RPTOR: variants seen among roughly 807,000 people sequenced by gnomAD.
RPTOR encodes the protein regulatory-associated protein of mTOR.
Under a neutral mutation model 169.9 loss-of-function variants are expected in RPTOR, and 21 were observed. The ratio of observed to expected loss-of-function variants is 0.12; its 90% CI spans 0.09 to 0.18. RPTOR has a LOEUF of 0.18. Ranked by LOEUF, RPTOR falls within the 10% of genes least tolerant of loss-of-function variation. RPTOR has a pLI of 1.00. For synonymous variants in RPTOR, 732 were observed against 753.2 expected (o/e 0.97, Z 0.46); for missense variants, 1,133 against 1,855.9 (o/e 0.61, Z 7.16).
intron 25 of RPTOR, 42 bp downstream of exon 25, chr17:80,940,643 G>A (rs1156269929): frequency 2.0e-6 from 3 of 1,524,026 alleles, no homozygotes; most frequent in Non-Finnish European, 2.7e-6. Flanking sequence ...CATTCCGGGG[G>A]TGGGGCCTGG....
intron 21 of RPTOR, 32 bp downstream of exon 21, chr17:80,908,961 G>C: frequency 1.3e-6 from 2 of 1,485,252 alleles, no homozygotes; most frequent in South Asian, 2.3e-5. Context: ...CCGCGCTCCA[G>C]CTGCTGGTTC....
intron 7 of RPTOR, among the ~76,000 whole-genome samples, chr17:80,799,784 C>T (rs989644795): frequency 6.6e-6 from 1 of 152,022 alleles, no homozygotes; most frequent in Non-Finnish European, 1.5e-5. Flanking sequence ...CTTCCCTCCC[C>T]GGCGACCCTC....
In RPTOR at chr17:80,554,784, C is replaced by A. The variant is rs572196680; in HGVS notation, c.162+8993C>A. ...AAAACAAAACAAACAACAACAACAA[C>A]AAAAAAAATGAGAATCCAGTTGTCT... On this transcript the variant is annotated intron_variant, in intron 1 of 33. Coordinates refer to ENST00000306801, the MANE Select transcript of RPTOR (RefSeq NM_020761.3). 2.8e-4 allele frequency among the ~76,000 whole-genome samples: 41 copies of A among 147,924 alleles called. 1 individual carries two copies. The highest frequency in any genetic ancestry group is 1.5e-3 in the South Asian group (7 of 4,612).
chr17:80,928,570 G>A (rs1016159674), intron 24 of RPTOR, among the ~76,000 whole-genome samples: 3 of 152,210 alleles, frequency 2.0e-5, no homozygotes, highest in East Asian at 1.9e-4. Flanking sequence ...TAAGGACAGC[G>A]TCTGCTAACG....
At chr17:80,738,336 T>C (rs2066452261) in intron 5 of RPTOR, among the ~76,000 whole-genome samples, 1 of 152,240 alleles carries the variant, frequency 6.6e-6, no homozygotes, top group Admixed American at 6.5e-5. Flanking sequence ...CCGCCAAAGC[T>C]TTTGCTGCTT....
chr17:80,777,482 C>A (rs868433817), intron 6 of RPTOR, among the ~76,000 whole-genome samples: 1 of 151,762 alleles, frequency 6.6e-6, no homozygotes, highest in Admixed American at 6.6e-5. Context: ...CTCACTGTTC[C>A]GCTTTGCATC....
rs5016364 is a variant in RPTOR, at chr17:80,918,442, C to G, written c.2521-4282C>G. 4.0e-3 allele frequency among the ~76,000 whole-genome samples: 298 copies of G among 75,086 alleles called. 6 individuals are homozygous for G. Among genetic ancestry groups the G allele is most frequent in the African/African-American group, 0.016 (280 of 17,802 alleles). 49.3% of individuals were successfully genotyped at this position (75,086 alleles called of 152,430 possible). A position where few individuals can be genotyped will look rare whatever the true frequency, so the allele number is the denominator to read the frequency against. ...GGGTCATAGCCACGAGCACCCTCGC[C>G]GGAGTCATAGCCACGAGCACCCTCG... On this transcript the variant is annotated intron_variant, in intron 21 of 33. Transcript: ENST00000306801.
chr17:80,765,899 C>T (rs903961515), intron 6 of RPTOR, among the ~76,000 whole-genome samples: 1 of 152,188 alleles, frequency 6.6e-6, no homozygotes, highest in Non-Finnish European at 1.5e-5. Flanking sequence ...CCCTTCGAAG[C>T]TGGGAACAAG....
At chr17:80,906,225 T>C (rs1242967728) in intron 20 of RPTOR, among the ~76,000 whole-genome samples, 1 of 149,332 alleles carries the variant, frequency 6.7e-6, no homozygotes, top group Admixed American at 6.6e-5. Flanking sequence ...AAAAAAAAAA[T>C]GAGGACGCAG....
At chr17:80,819,080 G>C (rs1375512072) in intron 7 of RPTOR, among the ~76,000 whole-genome samples, 1 of 152,226 alleles carries the variant, frequency 6.6e-6, no homozygotes, top group Non-Finnish European at 1.5e-5. Context: ...TGGTCTGTCT[G>C]TGCTTGTGAT....
Position 80,616,812 on chromosome 17 carries a change from A to G in RPTOR, c.163-8879A>G, listed in dbSNP as rs180679813. 3.4e-4 allele frequency among the ~76,000 whole-genome samples: 51 copies of G among 152,158 alleles called. 1 individual carries two copies. Among genetic ancestry groups the G allele is most frequent in the African/African-American group, 1.1e-3 (47 of 41,518 alleles). ...TGCTATACTTACTTTACGAAGACCA[A>G]TTATTTGTTGGTTTTTAAGGACCAG... On this transcript the variant is annotated intron_variant, in intron 1 of 33. Coordinates refer to ENST00000306801, the MANE Select transcript of RPTOR (RefSeq NM_020761.3).
At chr17:80,627,147 A>G (rs938442894) in intron 2 of RPTOR, among the ~76,000 whole-genome samples, 1 of 152,202 alleles carries the variant, frequency 6.6e-6, no homozygotes, top group South Asian at 2.1e-4. Flanking sequence ...CAGCCTCGCA[A>G]TAACTGGACT....
intron 13 of RPTOR, among the ~76,000 whole-genome samples, chr17:80,864,974 C>T (rs866631524): frequency 2.6e-5 from 4 of 152,190 alleles, no homozygotes; most frequent in African/African-American, 9.7e-5. Context: ...ATCACGGGCA[C>T]AAGCCACGGC....
At position 80,564,844 on chromosome 17, in the gene RPTOR, G is replaced by A. The variant is rs147484635; in HGVS notation, c.162+19053G>A. ...CTCCCACTTATAAGTGAGAACATGC[G>A]GTGTTTGGTTTTCTGTTCCCGTGTT... On this transcript the variant is annotated intron_variant, in intron 1 of 33. Transcript: ENST00000306801. 2.0e-3 allele frequency among the ~76,000 whole-genome samples: 302 copies of A among 152,178 alleles called. 1 individual carries two copies. The highest frequency in any genetic ancestry group is 6.9e-3 in the African/African-American group (285 of 41,512).
At chr17:80,611,587 T>G (rs2143487330) in intron 1 of RPTOR, among the ~76,000 whole-genome samples, 1 of 152,172 alleles carries the variant, frequency 6.6e-6, no homozygotes, top group East Asian at 1.9e-4. Context: ...AGTGATTTTC[T>G]TCCTGAATAC....
intron 20 of RPTOR, among the ~76,000 whole-genome samples, chr17:80,897,417 G>C (rs765090730): frequency 1.3e-5 from 2 of 152,164 alleles, no homozygotes; most frequent in Non-Finnish European, 2.9e-5. Context: ...TTTTATGAGT[G>C]CAAATTCCCA....
chr17:80,710,567 TTGTATGTGTGTGTGTGTG>T lies in RPTOR; in HGVS notation c.507+2572_507+2589del, dbSNP rs1454250543. On this transcript the variant is annotated intron_variant, in intron 4 of 33. Coordinates refer to ENST00000306801, the MANE Select transcript of RPTOR (RefSeq NM_020761.3). ...ATGTTGATTTGCCTCCCTTGGTTAT[TTGTATGTGTGTGTGTGTG>T]TGTGTGTGTGTGTGTGTGTGTGTGT... is the stretch of plus-strand genomic sequence containing the variant. Among the ~76,000 whole-genome samples, 21 of 110,540 alleles carry T rather than the reference TTGTATGTGTGTGTGTGTG, an allele frequency of 1.9e-4. 1 individual carries two copies. Among genetic ancestry groups the T allele is most frequent in the Admixed American group, 1.8e-3 (18 of 9,782 alleles). The allele number at this position is 110,540 out of a possible 152,430, so 72.5% of individuals were successfully genotyped here.
chr17:80,865,307 T>A (rs2143780929), intron 13 of RPTOR, among the ~76,000 whole-genome samples: 1 of 152,340 alleles, frequency 6.6e-6, no homozygotes, highest in South Asian at 2.1e-4. Context: ...CACCTAATCC[T>A]GCCCGTCACT....
intron 28 of RPTOR, among the ~76,000 whole-genome samples, chr17:80,955,436 G>T (rs559347194): frequency 4.6e-5 from 7 of 152,322 alleles, no homozygotes; most frequent in Admixed American, 3.3e-4. Context: ...CACAGTGAGA[G>T]ACCTAACCTG....
Sources: gnomAD v4.1 joint callset for allele counts (sites outside exome capture counted in the v4.1 genomes callset) on GRCh38, gnomAD v4.1.1 for gene constraint, MANE v1.5 for transcripts, NCBI Gene and HGNC (gene_info 2026-07-23, HGNC 2026-07-21) for gene names.